The following ADAMTS3 variants were observed in gnomAD, a reference collection of about 807,000 sequenced individuals.
The protein encoded by ADAMTS3 is ADAM metallopeptidase with thrombospondin type 1 motif 3, also known as A disintegrin and metalloproteinase with thrombospondin motifs 3.
ADAMTS3 carries 73 observed loss-of-function variants against 129.0 expected under a neutral mutation model. The observed-to-expected ratio is 0.57, with a 90% CI of 0.47 to 0.69. The LOEUF (loss-of-function observed/expected upper bound fraction) is 0.69, where lower values mean the gene tolerates loss of function less well. Among genes scored for constraint, ADAMTS3 ranks in the 30% least tolerant of loss-of-function variants. The probability of loss-of-function intolerance (pLI) is 0.00; values close to 1 mark genes in which losing one functional copy is unlikely to be tolerated. For synonymous variants in ADAMTS3, 477 were observed against 510.8 expected (o/e 0.93, Z 0.89); for missense variants, 1,457 against 1,514.5 (o/e 0.96, Z 0.63).
chr4:72,376,629 G>C (rs991044620), intron 4 of ADAMTS3, among the ~76,000 whole-genome samples: 2 of 152,102 alleles, frequency 1.3e-5, no homozygotes, highest in African/African-American at 4.8e-5. Context: ...ATAAGCCTTT[G>C]TTGGGGCCTA....
At chr4:72,369,779 G>T (rs1720959295) in intron 4 of ADAMTS3, among the ~76,000 whole-genome samples, 1 of 150,830 alleles carries the variant, frequency 6.6e-6, no homozygotes, top group African/African-American at 2.4e-5. Flanking sequence ...AACTTTGAAG[G>T]TGTTAGAGAA....
intron 4 of ADAMTS3, among the ~76,000 whole-genome samples, chr4:72,364,997 A>T (rs1449054905): frequency 6.6e-6 from 1 of 152,240 alleles, no homozygotes; most frequent in African/African-American, 2.4e-5. Context: ...CAATAAAATT[A>T]TTGAGGACTT....
intron 21 of ADAMTS3, among the ~76,000 whole-genome samples, chr4:72,286,643 C>T (rs571282747): frequency 6.6e-6 from 1 of 152,316 alleles, no homozygotes; most frequent in African/African-American, 2.4e-5. Flanking sequence ...GAAAAAGCAA[C>T]TTCTTTAGGC....
intron 3 of ADAMTS3, among the ~76,000 whole-genome samples, chr4:72,461,804 C>T (rs1718778983): frequency 6.6e-6 from 1 of 151,938 alleles, no homozygotes; most frequent in African/African-American, 2.4e-5. Context: ...TCAGTTTTCA[C>T]TCACAGTTTT....
intron 5 of ADAMTS3, among the ~76,000 whole-genome samples, chr4:72,338,848 AAG>A (rs144210787): frequency 0.04 from 6,056 of 152,248 alleles, 389 homozygotes; most frequent in African/African-American, 0.14. Context: ...TTTAAAAAGA[AAG>A]AACACAAGTT....
intron 3 of ADAMTS3, among the ~76,000 whole-genome samples, chr4:72,462,050 G>T (rs1718784706): frequency 6.6e-6 from 1 of 151,826 alleles, no homozygotes; most frequent in South Asian, 2.1e-4. Flanking sequence ...AACATCCCTG[G>T]CCTCACATAA....
At chr4:72,323,319 A>C (rs568581239) in intron 5 of ADAMTS3, 25 of 511,638 alleles carry the variant, frequency 4.9e-5, no homozygotes, top group East Asian at 3.3e-4. Flanking sequence ...ATATGAACGT[A>C]CAGGACATGC....
chr4:72,427,478 T>C (rs1331636240), intron 3 of ADAMTS3, among the ~76,000 whole-genome samples: 2 of 152,038 alleles, frequency 1.3e-5, no homozygotes, highest in Non-Finnish European at 2.9e-5. Flanking sequence ...CTCTGTTCCA[T>C]GCAAAATGAC....
At chr4:72,333,842 T>A (rs1354392660) in intron 5 of ADAMTS3, among the ~76,000 whole-genome samples, 1 of 85,822 alleles carries the variant, frequency 1.2e-5, no homozygotes, top group Non-Finnish European at 2.3e-5. Flanking sequence ...TTTGTTTGTT[T>A]GCTTGCTTTT....
intron 3 of ADAMTS3, among the ~76,000 whole-genome samples, chr4:72,521,592 A>C (rs1720672948): frequency 6.6e-6 from 1 of 152,170 alleles, no homozygotes. Context: ...TGAAAGCTAG[A>C]CTTATTTGAA....
intron 3 of ADAMTS3, among the ~76,000 whole-genome samples, chr4:72,457,349 G>C (rs973079122): frequency 4.0e-5 from 6 of 151,590 alleles, no homozygotes; most frequent in Admixed American, 2.6e-4. Context: ...TGTAGTATAA[G>C]GGAATAAAAT....
At chr4:72,369,142 T>C (rs1720941659) in intron 4 of ADAMTS3, among the ~76,000 whole-genome samples, 1 of 152,224 alleles carries the variant, frequency 6.6e-6, no homozygotes, top group African/African-American at 2.4e-5. Context: ...ATAGAAACAC[T>C]ACGCATGGTG....
intron 3 of ADAMTS3, among the ~76,000 whole-genome samples, chr4:72,500,810 T>C (rs1415491253): frequency 1.3e-5 from 2 of 151,872 alleles, no homozygotes; most frequent in Non-Finnish European, 2.9e-5. Context: ...AAGGTAGGAG[T>C]AGTTCCGTTC....
chr4:72,320,777 A>T lies in ADAMTS3; in HGVS notation c.1039T>A (p.Ser347Thr). 1.2e-6 allele frequency: 2 copies of T among 1,613,982 alleles called. No homozygotes were observed. Among genetic ancestry groups the T allele is most frequent in the Non-Finnish European group, 8.5e-7 (1 of 1,179,910 alleles). The change falls in exon 7 of 22, where the codon TCT (serine) becomes ACT (threonine). Residue 347 changes from serine to threonine, a missense_variant. Physicochemically the swap from Ser to Thr is moderately conservative, Grantham distance 58. Coordinates refer to ENST00000286657, the MANE Select transcript of ADAMTS3 (RefSeq NM_014243.3). ...AAAATTGCATGGTCATGGTGTTCAG[A>T]GTGGTTGAGATCAGATCTTTGCTGT... ...SQQQRSDLNH[S>T]EHHDHAIFLT...
At chr4:72,521,749 G>A (rs996205648) in intron 3 of ADAMTS3, among the ~76,000 whole-genome samples, 5 of 152,044 alleles carry the variant, frequency 3.3e-5, no homozygotes, top group African/African-American at 1.2e-4. Context: ...TTTAATTGAA[G>A]TTAATCATAT....
intron 3 of ADAMTS3, 117 bp downstream of exon 3, chr4:72,548,361 T>A (rs763765958): frequency 1.8e-6 from 2 of 1,130,882 alleles, no homozygotes; most frequent in Non-Finnish European, 2.5e-6. Flanking sequence ...TTTTCTGAAC[T>A]TAAAATGTAA....
intron 4 of ADAMTS3, among the ~76,000 whole-genome samples, chr4:72,391,606 C>T (rs1214000110): frequency 6.6e-6 from 1 of 152,148 alleles, no homozygotes; most frequent in East Asian, 1.9e-4. Flanking sequence ...AGATAATAAA[C>T]TTTACTTGCG....
At chr4:72,290,693 G>A (rs1718633851) in intron 20 of ADAMTS3, among the ~76,000 whole-genome samples, 162 bp downstream of exon 20, 1 of 152,242 alleles carries the variant, frequency 6.6e-6, no homozygotes, top group South Asian at 2.1e-4. Flanking sequence ...AACATGTACT[G>A]TCTTAAAGCA....
At chr4:72,517,571 G>GT (rs1158731356) in intron 3 of ADAMTS3, among the ~76,000 whole-genome samples, 2 of 152,174 alleles carry the variant, frequency 1.3e-5, no homozygotes, top group Non-Finnish European at 2.9e-5. Context: ...TTGGGAGGGT[G>GT]TATGTGTCAA....
Sources: allele counts gnomAD v4.1 joint callset (sites outside exome capture counted in the v4.1 genomes callset), GRCh38; gene constraint gnomAD v4.1.1; transcripts MANE v1.5; gene names NCBI Gene and HGNC (gene_info 2026-07-23, HGNC 2026-07-21).